The following RALYL variants were observed in gnomAD, a reference collection of about 807,000 sequenced individuals.
The protein encoded by RALYL is RALY RNA binding protein like.
In RALYL, 29 loss-of-function variants were observed where a neutral mutation model predicts 35.1. That is an observed-to-expected ratio of 0.83 (90% CI 0.61 to 1.13). The LOEUF is 1.13. RALYL is among the 50% of genes most tolerant of loss of function. The pLI is 0.00. For missense variants in RALYL, 359 were observed against 360.4 expected, an observed-to-expected ratio of 1.00 and a Z score of 0.03; for synonymous variants, 120 against 127.6, an observed-to-expected ratio of 0.94 and a Z score of 0.40.
intron 1 of RALYL, among the ~76,000 whole-genome samples, chr8:84,203,356 C>G (rs954621394): frequency 6.6e-6 from 1 of 151,572 alleles, no homozygotes; most frequent in African/African-American, 2.4e-5. Flanking sequence ...GATAAATTTT[C>G]CCAGCAGATT....
chr8:84,743,769 G>A (rs765832587), intron 2 of RALYL, among the ~76,000 whole-genome samples: 3 of 152,012 alleles, frequency 2.0e-5, no homozygotes, highest in Non-Finnish European at 4.4e-5. Flanking sequence ...AAAAAGGAAA[G>A]CAATCCTGAC....
At chr8:84,349,298 T>C (rs1381044222) in intron 1 of RALYL, among the ~76,000 whole-genome samples, 4 of 150,612 alleles carry the variant, frequency 2.7e-5, no homozygotes, top group South Asian at 2.1e-4. Flanking sequence ...AAAAATGCTA[T>C]TGCACCTTTC....
intron 2 of RALYL, among the ~76,000 whole-genome samples, chr8:84,716,165 A>T (rs1842920088): frequency 6.6e-6 from 1 of 152,132 alleles, no homozygotes; most frequent in Non-Finnish European, 1.5e-5. Flanking sequence ...TTGTCTTCTT[A>T]ATAGGCTCCA....
At chr8:84,210,826 A>T (rs116977253) in intron 1 of RALYL, among the ~76,000 whole-genome samples, 273 of 152,178 alleles carry the variant, frequency 1.8e-3, no homozygotes, top group Non-Finnish European at 3.4e-3. Context: ...TGTTTCCATA[A>T]ATTGCATCAT....
At chr8:84,886,125 G>A (rs1842892286) in intron 7 of RALYL, among the ~76,000 whole-genome samples, 1 of 152,062 alleles carries the variant, frequency 6.6e-6, no homozygotes, top group African/African-American at 2.4e-5. Flanking sequence ...ACAGAGGCAA[G>A]GCACGGCAAC....
chr8:84,775,502 T>C (rs1461587839), intron 3 of RALYL, among the ~76,000 whole-genome samples: 1 of 152,176 alleles, frequency 6.6e-6, no homozygotes, highest in Non-Finnish European at 1.5e-5. Flanking sequence ...TATTACAAAG[T>C]ACATGTTTCT....
At chr8:84,467,925 G>T (rs1449288228) in intron 1 of RALYL, among the ~76,000 whole-genome samples, 1 of 136,862 alleles carries the variant, frequency 7.3e-6, no homozygotes, top group Non-Finnish European at 1.6e-5. Flanking sequence ...TTTGATCTTT[G>T]TTGGTTTAAA....
At chr8:84,857,121 G>A (rs1056962807) in intron 5 of RALYL, among the ~76,000 whole-genome samples, 11 of 151,188 alleles carry the variant, frequency 7.3e-5, no homozygotes, top group Admixed American at 1.3e-4. Context: ...CCTTACTTTG[G>A]TTTTATATAC....
At chr8:84,419,774 C>A (rs1331876584) in intron 1 of RALYL, among the ~76,000 whole-genome samples, 1 of 146,572 alleles carries the variant, frequency 6.8e-6, no homozygotes. Context: ...TCAATTCCCA[C>A]CTATGAGTGA....
chr8:84,899,731 G>A (rs935678648), intron 8 of RALYL, among the ~76,000 whole-genome samples: 1 of 152,120 alleles, frequency 6.6e-6, no homozygotes, highest in African/African-American at 2.4e-5. Context: ...GGTTTTCAGT[G>A]GTTCTGAAAT....
At chr8:84,447,406 G>A (rs1372522203) in intron 1 of RALYL, among the ~76,000 whole-genome samples, 1 of 151,876 alleles carries the variant, frequency 6.6e-6, no homozygotes, top group Non-Finnish European at 1.5e-5. Flanking sequence ...GCTTGGTCTT[G>A]GAGCTCACTT....
At chr8:84,686,001 G>A (rs1324098644) in intron 2 of RALYL, among the ~76,000 whole-genome samples, 3 of 152,126 alleles carry the variant, frequency 2.0e-5, no homozygotes, top group Non-Finnish European at 4.4e-5. Context: ...CATGTTTGTG[G>A]TATGTGTGGA....
chr8:84,286,852 G>T (rs1026775095), intron 1 of RALYL, among the ~76,000 whole-genome samples: 8 of 152,248 alleles, frequency 5.3e-5, no homozygotes, highest in African/African-American at 1.9e-4. Flanking sequence ...GCCATTTAGA[G>T]CAAAGAATGG....
At chr8:84,610,969 A>G (rs1818188565) in intron 2 of RALYL, among the ~76,000 whole-genome samples, 1 of 152,126 alleles carries the variant, frequency 6.6e-6, no homozygotes, top group South Asian at 2.1e-4. Context: ...CTACTCCAGT[A>G]TACAATCAGC....
chr8:84,831,070 GA>G (rs1367451234), intron 4 of RALYL, among the ~76,000 whole-genome samples: 2 of 151,360 alleles, frequency 1.3e-5, no homozygotes, highest in South Asian at 2.1e-4. Context: ...GAGAACAAAA[GA>G]AAAAAATGGG....
intron 1 of RALYL, among the ~76,000 whole-genome samples, chr8:84,279,916 C>T (rs898561939): frequency 2.6e-5 from 4 of 152,204 alleles, no homozygotes; most frequent in East Asian, 1.9e-4. Flanking sequence ...AACAAGATAA[C>T]ATATTTACAG....
At chr8:84,692,302 C>T (rs1272277088) in intron 2 of RALYL, among the ~76,000 whole-genome samples, 1 of 151,838 alleles carries the variant, frequency 6.6e-6, no homozygotes, top group African/African-American at 2.4e-5. Flanking sequence ...AAATCAAAAA[C>T]AATATGGACT....
At chr8:84,313,184 A>G (rs898391620) in intron 1 of RALYL, among the ~76,000 whole-genome samples, 2 of 152,180 alleles carry the variant, frequency 1.3e-5, no homozygotes, top group East Asian at 3.9e-4. Flanking sequence ...GCATCTGGAC[A>G]CAGGGCACTA....
At chr8:84,452,768 C>T (rs1311196994) in intron 1 of RALYL, among the ~76,000 whole-genome samples, 1 of 151,854 alleles carries the variant, frequency 6.6e-6, no homozygotes, top group Non-Finnish European at 1.5e-5. Context: ...TCTTTCATTA[C>T]CTTCTTTTCT....
Sources: gnomAD v4.1 joint callset for allele counts (sites outside exome capture counted in the v4.1 genomes callset) on GRCh38, gnomAD v4.1.1 for gene constraint, MANE v1.5 for transcripts, NCBI Gene and HGNC (gene_info 2026-07-23, HGNC 2026-07-21) for gene names.